The following TASOR variants were observed in gnomAD, a reference collection of about 807,000 sequenced individuals.
The protein encoded by TASOR is protein TASOR.
A neutral mutation model predicts 178.6 loss-of-function variants in TASOR; 53 were observed. That is an observed-to-expected ratio of 0.30 (90% confidence interval 0.24 to 0.37). TASOR has a LOEUF of 0.37. Ranked by LOEUF, TASOR falls within the 10% of genes least tolerant of loss-of-function variation. The probability of loss-of-function intolerance (pLI) is 1.00; values close to 1 mark genes in which losing one functional copy is unlikely to be tolerated. For missense variants in TASOR, 1,815 were observed against 1,971.4 expected, an observed-to-expected ratio of 0.92 and a Z score of 1.50; for synonymous variants, 713 against 696.2, an observed-to-expected ratio of 1.02 and a Z score of -0.38.
At chr3:56,640,756 G>A (rs1324286699) in intron 15 of TASOR, among the ~76,000 whole-genome samples, 3 of 152,154 alleles carry the variant, frequency 2.0e-5, no homozygotes, top group Non-Finnish European at 4.4e-5. Flanking sequence ...CTATTCCCCA[G>A]TGATGCAGTG....
In TASOR at chr3:56,681,482, T is replaced by A. The variant is rs146445062; in HGVS notation, c.331+1194A>T. On this transcript the variant is annotated intron_variant, in intron 1 of 23. Transcript: ENST00000683822. ...ACCAAGTATTTTCTTGGCTTTGCCA[T>A]CCAAACAAATGAACTTTATTTGTAT... Among the ~76,000 whole-genome samples the A allele has an allele frequency of 1.4e-3, 220 of 152,332 alleles. 2 individuals are homozygous for A. Among genetic ancestry groups the A allele is most frequent in the East Asian group, 9.8e-3 (51 of 5,190 alleles).
chr3:56,646,190 T>C (rs901067918), intron 14 of TASOR, among the ~76,000 whole-genome samples: 8 of 152,126 alleles, frequency 5.3e-5, no homozygotes, highest in African/African-American at 1.9e-4. Context: ...TTCTGATTAG[T>C]ATTATTATGT....
intron 11 of TASOR, among the ~76,000 whole-genome samples, chr3:56,655,824 T>C (rs1297109663): frequency 1.3e-5 from 2 of 152,032 alleles, no homozygotes; most frequent in Non-Finnish European, 2.9e-5. Flanking sequence ...TGCAACAATA[T>C]ATAATAATAA....
intron 1 of TASOR, 52 bp from the exon 2 acceptor site, chr3:56,673,777 T>C (rs1217336349): frequency 3.6e-6 from 5 of 1,408,008 alleles, no homozygotes; most frequent in South Asian, 3.0e-5. Context: ...CCATCTTAAA[T>C]ATAGCTTTTT....
chr3:56,679,947 G>A (rs9311612), intron 1 of TASOR, among the ~76,000 whole-genome samples: 26,012 of 152,016 alleles, frequency 0.17, 2,813 homozygotes, highest in South Asian at 0.35. Flanking sequence ...CACTTAGTAT[G>A]TCAGTACCAA....
chr3:56,645,578 T>G (rs2077218796), intron 14 of TASOR, among the ~76,000 whole-genome samples: 1 of 152,106 alleles, frequency 6.6e-6, no homozygotes, highest in African/African-American at 2.4e-5. Context: ...GTGAAGATCT[T>G]AAAAATCTAG....
intron 18 of TASOR, 121 bp from the exon 19 acceptor site, chr3:56,628,735 T>G: frequency 1.5e-6 from 1 of 668,484 alleles, no homozygotes; most frequent in Non-Finnish European, 2.4e-6. Flanking sequence ...TAACAATGAA[T>G]GAACTTACAC....
At chr3:56,626,159 T>C (rs1349821872) in intron 21 of TASOR, among the ~76,000 whole-genome samples, 1 of 152,216 alleles carries the variant, frequency 6.6e-6, no homozygotes, top group Admixed American at 6.5e-5. Context: ...AATGTGTAAA[T>C]ACATTTTATA....
chr3:56,637,059 A>G (rs1240232033), intron 17 of TASOR, among the ~76,000 whole-genome samples: 2 of 152,294 alleles, frequency 1.3e-5, no homozygotes, highest in East Asian at 3.9e-4. Flanking sequence ...ACGATATTGC[A>G]TGAAAGTACC....
At chr3:56,653,161 G>A (rs1282667056) in intron 11 of TASOR, among the ~76,000 whole-genome samples, 1 of 150,032 alleles carries the variant, frequency 6.7e-6, no homozygotes, top group Non-Finnish European at 1.5e-5. Context: ...TACTCGGGAG[G>A]CTGAAACAGG....
intron 20 of TASOR, 32 bp from the exon 21 acceptor site, chr3:56,627,177 C>A: frequency 8.0e-7 from 1 of 1,245,578 alleles, no homozygotes; most frequent in South Asian, 1.3e-5. Context: ...GTTTTTAATT[C>A]AATAAATAAT....
rs1043540280 is a variant in TASOR at position 56,637,909 on chromosome 3, A to G, written c.2824+797T>C. Among the ~76,000 whole-genome samples, 3 of 152,196 alleles carry G rather than the reference A, an allele frequency of 2.0e-5. No individual in the cohort carries two copies. In the South Asian group the frequency reaches 6.2e-4, roughly 32 times the overall value. On this transcript the variant is annotated intron_variant, in intron 17 of 23. Coordinates refer to ENST00000683822, the MANE Select transcript of TASOR (RefSeq NM_001365635.2). ...CTAGGTACCCACTGCCAACTAGCTA[A>G]TCAATAATATCTGCAACTGTTTCTG...
rs1489350974 is a variant in TASOR at position 56,638,688 on chromosome 3, C to A, written c.2824+18G>T. On this transcript the variant is annotated intron_variant, in intron 17 of 23. Coordinates refer to ENST00000683822, the MANE Select transcript of TASOR (RefSeq NM_001365635.2). ...AAGAAGGGCACACTGGGAAGAAAAG[C>A]AAAGCAAGCCTTCTCACCTGGTGTT... is the stretch of plus-strand genomic sequence containing the variant. 3 of 1,613,830 alleles carry A rather than the reference C, an allele frequency of 1.9e-6. No homozygotes were observed. The highest frequency in any genetic ancestry group is 1.7e-6 in the Non-Finnish European group (2 of 1,179,910).
intron 21 of TASOR, among the ~76,000 whole-genome samples, chr3:56,625,807 A>G (rs2076786072): frequency 6.6e-6 from 1 of 151,816 alleles, no homozygotes; most frequent in Non-Finnish European, 1.5e-5. Flanking sequence ...TATTTTTAGT[A>G]CAGATGGGGT....
At chr3:56,657,002 C>T (rs2077485197) in intron 11 of TASOR, among the ~76,000 whole-genome samples, 1 of 148,080 alleles carries the variant, frequency 6.8e-6, no homozygotes, top group Non-Finnish European at 1.5e-5. Flanking sequence ...AAGAGCGAAA[C>T]ACCGTCAAAA....
chr3:56,656,259 A>G (rs2077465386), intron 11 of TASOR, among the ~76,000 whole-genome samples: 1 of 152,238 alleles, frequency 6.6e-6, no homozygotes, highest in African/African-American at 2.4e-5. Context: ...ACATTTCTAT[A>G]TATACAAGAA....
In TASOR at chr3:56,668,484, G is replaced by T; in HGVS notation, c.810C>A (p.Asp270Glu). 6.4e-7 allele frequency: 1 copy of T among 1,551,018 alleles called. No individual in the cohort carries two copies. The highest frequency in any genetic ancestry group is 1.2e-5 in the South Asian group (1 of 84,038). The change falls in exon 6 of 24, where the codon GAC becomes GAA. Residue 270 changes from aspartate (D) to glutamate (E), a missense_variant. This residue lies in a region of TASOR where 504 missense variants were observed against 645.3 expected (regional missense o/e 0.78). Coordinates refer to ENST00000683822, the MANE Select transcript of TASOR (RefSeq NM_001365635.2). ...CGTGACATTCATGCTTTGGTGTGGG[G>T]TCCAAAGCACTCTTATTTAACATAG... ...LESMLNKSAL[D>E]PTPKHECHVS...
chr3:56,679,008 C>CAA (rs5849163), intron 1 of TASOR, among the ~76,000 whole-genome samples: 9 of 116,788 alleles, frequency 7.7e-5, no homozygotes, highest in Non-Finnish European at 1.1e-4. Flanking sequence ...GCTCTGACTC[C>CAA]AAAAAAAAAA....
intron 21 of TASOR, 23 bp downstream of exon 21, chr3:56,627,014 T>A: frequency 1.5e-6 from 2 of 1,348,910 alleles, no homozygotes; most frequent in Non-Finnish European, 2.1e-6. Context: ...ACAACCATTA[T>A]ATAGTTATGT....
Sources: allele counts gnomAD v4.1 joint callset (sites outside exome capture counted in the v4.1 genomes callset), GRCh38; gene constraint gnomAD v4.1.1; regional missense constraint gnomAD v4.1.1; transcripts MANE v1.5; gene names NCBI Gene and HGNC (gene_info 2026-07-23, HGNC 2026-07-21).